GABBR2: variants seen among roughly 807,000 people sequenced by gnomAD.
GABBR2 encodes the protein gamma-aminobutyric acid type B receptor subunit 2, also known as G-protein coupled receptor 51.
In GABBR2, 23 loss-of-function variants were observed where a neutral mutation model predicts 105.6. The observed-to-expected ratio is 0.22, with a 90% CI of 0.16 to 0.31. The LOEUF is 0.31. Among genes scored for constraint, GABBR2 ranks in the 10% least tolerant of loss-of-function variants. The pLI is 1.00. For missense variants in GABBR2, 734 were observed against 1,245.5 expected, an observed-to-expected ratio of 0.59 and a Z score of 6.18; for synonymous variants, 478 against 499.7, an observed-to-expected ratio of 0.96 and a Z score of 0.58.
At chr9:98,594,032 G>A (rs1434374513) in intron 1 of GABBR2, among the ~76,000 whole-genome samples, 1 of 152,178 alleles carries the variant, frequency 6.6e-6, no homozygotes, top group Non-Finnish European at 1.5e-5. Flanking sequence ...GCTGCTGCAG[G>A]CACCTGTTTT....
intron 7 of GABBR2, among the ~76,000 whole-genome samples, chr9:98,414,577 A>G (rs1383445887): frequency 1.3e-5 from 2 of 152,148 alleles, no homozygotes; most frequent in African/African-American, 4.8e-5. Flanking sequence ...AGACTTAAGT[A>G]TTATATTATA....
intron 13 of GABBR2, among the ~76,000 whole-genome samples, chr9:98,332,505 G>A (rs765981472): frequency 2.6e-5 from 4 of 152,198 alleles, no homozygotes; most frequent in Admixed American, 6.5e-5. Flanking sequence ...GCTCAGAGAG[G>A]TTAAGTCACT....
intron 8 of GABBR2, among the ~76,000 whole-genome samples, chr9:98,405,827 A>C (rs1011593568): frequency 6.6e-6 from 1 of 152,248 alleles, no homozygotes; most frequent in Non-Finnish European, 1.5e-5. Context: ...TTTCCTGAAT[A>C]GTTTCAGTCT....
intron 7 of GABBR2, among the ~76,000 whole-genome samples, chr9:98,452,257 C>G (rs1249815136): frequency 1.3e-5 from 2 of 152,244 alleles, no homozygotes; most frequent in African/African-American, 4.8e-5. Flanking sequence ...CTTTATTCCT[C>G]AAGACAGACT....
chr9:98,316,114 T>C (rs1830712549), intron 13 of GABBR2, among the ~76,000 whole-genome samples: 1 of 152,078 alleles, frequency 6.6e-6, no homozygotes, highest in Non-Finnish European at 1.5e-5. Context: ...TTAGAATGTT[T>C]TTCTTGCTCT....
intron 11 of GABBR2, among the ~76,000 whole-genome samples, chr9:98,383,448 G>T (rs548995423): frequency 6.6e-6 from 1 of 152,322 alleles, no homozygotes; most frequent in South Asian, 2.1e-4. Context: ...CTTTTGGTGG[G>T]AATGAGCCAG....
intron 3 of GABBR2, among the ~76,000 whole-genome samples, chr9:98,529,411 G>T: frequency 6.6e-6 from 1 of 152,190 alleles, no homozygotes; most frequent in East Asian, 1.9e-4. Context: ...CATTCTCCCT[G>T]CATTGCTAAG....
chr9:98,580,483 A>G (rs1828985374), intron 1 of GABBR2, among the ~76,000 whole-genome samples: 1 of 152,220 alleles, frequency 6.6e-6, no homozygotes. Flanking sequence ...GGGCCTCAGT[A>G]AAGATTCAGT....
chr9:98,357,591 G>A (rs961785460), intron 13 of GABBR2, among the ~76,000 whole-genome samples: 9 of 152,038 alleles, frequency 5.9e-5, no homozygotes, highest in Admixed American at 3.3e-4. Flanking sequence ...GCAGTGAGCC[G>A]TGATCTTGCC....
intron 13 of GABBR2, among the ~76,000 whole-genome samples, chr9:98,358,017 C>T (rs147645010): frequency 8.2e-4 from 125 of 152,318 alleles, no homozygotes; most frequent in African/African-American, 2.7e-3. Flanking sequence ...TGAGATGCCT[C>T]CAAACTGATG....
intron 13 of GABBR2, among the ~76,000 whole-genome samples, chr9:98,311,626 T>C (rs899455617): frequency 1.6e-4 from 24 of 152,180 alleles, no homozygotes; most frequent in African/African-American, 5.3e-4. Context: ...ACTGGAGATA[T>C]AGGATATACT....
rs1481065107 is a variant in GABBR2 at position 98,318,920 on chromosome 9, GT to G, written c.1894-7716del. ...GTGTGTGTGTGTGTGTGTGTTGGGG[GT>G]GTGTGTGTGTGTGTGGTGTGTGTGT... is the stretch of plus-strand genomic sequence containing the variant. On this transcript the variant is annotated intron_variant, in intron 13 of 18. Coordinates refer to ENST00000259455, the MANE Select transcript of GABBR2 (RefSeq NM_005458.8). Among the ~76,000 whole-genome samples, 6 of 117,164 alleles carry G rather than the reference GT, an allele frequency of 5.1e-5. No individual in the cohort carries two copies. The South Asian group carries it at 8.2e-4, about 16-fold the overall frequency. The allele number at this position is 117,164 out of a possible 152,430, so 76.9% of individuals were successfully genotyped here.
chr9:98,369,869 C>A (rs996215173), intron 12 of GABBR2, among the ~76,000 whole-genome samples: 6 of 151,952 alleles, frequency 3.9e-5, no homozygotes, highest in African/African-American at 1.5e-4. Context: ...GTCATGGTAC[C>A]CTGGTGAGAG....
intron 1 of GABBR2, among the ~76,000 whole-genome samples, chr9:98,614,763 G>T (rs1829556361): frequency 6.6e-6 from 1 of 151,138 alleles, no homozygotes; most frequent in African/African-American, 2.4e-5. Context: ...GAATGGAGAA[G>T]GATAAAAAGA....
intron 1 of GABBR2, among the ~76,000 whole-genome samples, chr9:98,698,944 G>A (rs1387550310): frequency 1.3e-5 from 2 of 152,152 alleles, no homozygotes; most frequent in African/African-American, 4.8e-5. Context: ...TGACCCAGGA[G>A]CAGGGAGCCT....
chr9:98,520,367 A>C (rs939179805), intron 3 of GABBR2, among the ~76,000 whole-genome samples: 1 of 152,214 alleles, frequency 6.6e-6, no homozygotes, highest in South Asian at 2.1e-4. Context: ...CGAAACCCCA[A>C]GGGGGATTCA....
At chr9:98,421,095 A>C (rs1395181877) in intron 7 of GABBR2, among the ~76,000 whole-genome samples, 1 of 152,256 alleles carries the variant, frequency 6.6e-6, no homozygotes, top group Non-Finnish European at 1.5e-5. Context: ...GAGGTGTCCC[A>C]GGGTACTAGA....
At chr9:98,465,333 A>G (rs1826526987) in intron 6 of GABBR2, among the ~76,000 whole-genome samples, 1 of 152,172 alleles carries the variant, frequency 6.6e-6, no homozygotes, top group Non-Finnish European at 1.5e-5. Context: ...TCCATGTAAA[A>G]AAAGAAAAGA....
chr9:98,583,502 G>C (rs887799488), intron 1 of GABBR2, among the ~76,000 whole-genome samples: 3 of 152,204 alleles, frequency 2.0e-5, no homozygotes, highest in East Asian at 1.9e-4. Context: ...TTTAAAGCAG[G>C]CTTCATTGCT....
Sources: allele counts gnomAD v4.1 joint callset (sites outside exome capture counted in the v4.1 genomes callset), GRCh38; gene constraint gnomAD v4.1.1; transcripts MANE v1.5; gene names NCBI Gene and HGNC (gene_info 2026-07-23, HGNC 2026-07-21).